Variants in TLL1 observed in about 807,000 individuals in gnomAD.
The protein encoded by TLL1 is tolloid-like protein 1.
A neutral mutation model predicts 128.2 loss-of-function variants in TLL1; 49 were observed. The observed-to-expected ratio is 0.38, with a 90% CI of 0.30 to 0.48. TLL1 has a LOEUF of 0.48. TLL1 is among the 20% of genes least tolerant of loss of function. The pLI is 0.96. For missense variants in TLL1, 1,123 were observed against 1,242.0 expected, an observed-to-expected ratio of 0.90 and a Z score of 1.44; for synonymous variants, 454 against 418.8, an observed-to-expected ratio of 1.08 and a Z score of -1.03.
intron 17 of TLL1, among the ~76,000 whole-genome samples, chr4:166,076,156 T>A (rs1385839560): frequency 1.3e-5 from 2 of 152,134 alleles, no homozygotes; most frequent in Non-Finnish European, 2.9e-5. Flanking sequence ...GATTGCAGCC[T>A]TGACCTCCCA....
At chr4:166,013,895 TG>T in intron 7 of TLL1, among the ~76,000 whole-genome samples, 1 of 150,776 alleles carries the variant, frequency 6.6e-6, no homozygotes, top group Non-Finnish European at 1.5e-5. Context: ...TGGCATTCTT[TG>T]TTTTTTTTTA....
chr4:165,930,304 G>C (rs1241550009), intron 1 of TLL1, among the ~76,000 whole-genome samples: 7 of 152,096 alleles, frequency 4.6e-5, no homozygotes, highest in Non-Finnish European at 8.8e-5. Context: ...TAGTAGTAGA[G>C]GGGTTATAAT....
Position 166,101,154 on chromosome 4 carries a change from T to C in TLL1, c.*278T>C, listed in dbSNP as rs1303305468. 2.5e-6 allele frequency: 1 copy of C among 392,388 alleles called. No individual in the cohort carries two copies. The highest frequency in any genetic ancestry group is 4.7e-6 in the Non-Finnish European group (1 of 211,842). The allele number at this position is 392,388 out of a possible 1,614,324, so 24.3% of individuals were successfully genotyped here. On this transcript the variant is annotated 3_prime_UTR_variant, in exon 21 of 21. Coordinates refer to ENST00000061240, the MANE Select transcript of TLL1 (RefSeq NM_012464.5). ...GACTCTACAAGCTTTTGTTCACAGC[T>C]TGAAATAGATGCCTCACAATTCAGA...
At chr4:165,906,176 AG>A (rs1732245680) in intron 1 of TLL1, among the ~76,000 whole-genome samples, 1 of 152,184 alleles carries the variant, frequency 6.6e-6, no homozygotes. Context: ...CAGCCACTAT[AG>A]ATAGTGTGAG....
intron 1 of TLL1, among the ~76,000 whole-genome samples, chr4:165,907,523 G>A (rs910681385): frequency 4.0e-5 from 6 of 151,766 alleles, no homozygotes; most frequent in South Asian, 2.1e-4. Flanking sequence ...TTAATAAAAC[G>A]TAGAGTAAGA....
intron 2 of TLL1, 121 bp downstream of exon 2, chr4:165,989,612 A>G: frequency 1.4e-6 from 1 of 690,682 alleles, no homozygotes; most frequent in Non-Finnish European, 2.5e-6. Context: ...TCCTATACAC[A>G]AATATACATA....
At chr4:165,977,359 C>T (rs1218388755) in intron 1 of TLL1, among the ~76,000 whole-genome samples, 2 of 152,236 alleles carry the variant, frequency 1.3e-5, no homozygotes, top group Middle Eastern at 3.4e-3. Context: ...CACACTCTCT[C>T]GCCTGCCTCC....
At chr4:165,922,924 C>G (rs1365741380) in intron 1 of TLL1, among the ~76,000 whole-genome samples, 1 of 152,094 alleles carries the variant, frequency 6.6e-6, no homozygotes, top group Non-Finnish European at 1.5e-5. Flanking sequence ...CTTTGTTTAC[C>G]TGGTTTCTGC....
rs1450924576 is a variant in TLL1, at chr4:166,075,012, CG to C, written c.2314+11del. ...ACATGATTGCAAGGAAGGTATGGAA[CG>C]GAATACACTTTTTTTGACAACATGT... On this transcript the variant is annotated intron_variant, in intron 17 of 20. Transcript: ENST00000061240. 6.2e-7 allele frequency: 1 copy of C among 1,612,674 alleles called. No individual in the cohort carries two copies. The highest frequency in any genetic ancestry group is 8.5e-7 in the Non-Finnish European group (1 of 1,179,172).
chr4:165,992,205 G>T (rs1736673767), intron 2 of TLL1, among the ~76,000 whole-genome samples: 1 of 151,976 alleles, frequency 6.6e-6, no homozygotes, highest in African/African-American at 2.4e-5. Context: ...ATATTTTGCA[G>T]CTGAACATTC....
At chr4:166,049,550 G>C (rs940658275) in intron 12 of TLL1, among the ~76,000 whole-genome samples, 2 of 151,894 alleles carry the variant, frequency 1.3e-5, no homozygotes, top group Admixed American at 1.3e-4. Flanking sequence ...AAATGAAGTG[G>C]CAGCAGTTAA....
At chr4:165,956,502 G>C (rs895278680) in intron 1 of TLL1, among the ~76,000 whole-genome samples, 1 of 151,538 alleles carries the variant, frequency 6.6e-6, no homozygotes, top group African/African-American at 2.4e-5. Flanking sequence ...CTACTTGCAC[G>C]TCCATTTATA....
chr4:166,005,560 A>C (rs558246608), intron 6 of TLL1, among the ~76,000 whole-genome samples: 1 of 151,702 alleles, frequency 6.6e-6, no homozygotes, highest in African/African-American at 2.4e-5. Flanking sequence ...AGATATCAAA[A>C]TAAGTTAAAA....
At chr4:165,960,656 G>A (rs1735052645) in intron 1 of TLL1, among the ~76,000 whole-genome samples, 2 of 151,978 alleles carry the variant, frequency 1.3e-5, no homozygotes, top group South Asian at 2.1e-4. Context: ...AGGTTGTTTC[G>A]ACATTTTCAA....
intron 5 of TLL1, among the ~76,000 whole-genome samples, chr4:165,999,023 G>A (rs760069562): frequency 2.6e-5 from 4 of 151,908 alleles, no homozygotes; most frequent in South Asian, 4.1e-4. Flanking sequence ...GAAGGTCCTC[G>A]TCTCCATTTG....
At chr4:166,036,100 G>A (rs1738985860) in intron 9 of TLL1, among the ~76,000 whole-genome samples, 1 of 152,036 alleles carries the variant, frequency 6.6e-6, no homozygotes, top group Non-Finnish European at 1.5e-5. Context: ...TACGCTAATT[G>A]GCTTTTTTTG....
intron 18 of TLL1, among the ~76,000 whole-genome samples, chr4:166,081,595 G>C (rs941664021): frequency 6.6e-5 from 10 of 152,042 alleles, no homozygotes; most frequent in Non-Finnish European, 1.5e-5. Context: ...AATTTTATCA[G>C]AATGCTTTTC....
At chr4:165,890,271 A>G (rs1054077538) in intron 1 of TLL1, among the ~76,000 whole-genome samples, 2 of 152,176 alleles carry the variant, frequency 1.3e-5, no homozygotes, top group Non-Finnish European at 2.9e-5. Context: ...CAGCCAAACC[A>G]TATCATTCTG....
intron 18 of TLL1, among the ~76,000 whole-genome samples, chr4:166,079,324 G>A (rs1164941230): frequency 2.6e-5 from 4 of 151,950 alleles, no homozygotes; most frequent in African/African-American, 9.7e-5. Flanking sequence ...AATTTTTTTT[G>A]GGTATCATAT....
Sources: gnomAD v4.1 joint callset for allele counts (sites outside exome capture counted in the v4.1 genomes callset) on GRCh38, gnomAD v4.1.1 for gene constraint, MANE v1.5 for transcripts, NCBI Gene and HGNC (gene_info 2026-07-23, HGNC 2026-07-21) for gene names.